The following ERBB4 variants were observed in gnomAD, a reference collection of about 807,000 sequenced individuals.
ERBB4 encodes the protein receptor tyrosine-protein kinase erbB-4.
ERBB4 carries 42 observed loss-of-function variants against 158.0 expected under a neutral mutation model. That is an observed-to-expected ratio of 0.27 (90% CI 0.21 to 0.34). The LOEUF (loss-of-function observed/expected upper bound fraction) is 0.34. Ranked by LOEUF, ERBB4 falls within the 10% of genes least tolerant of loss-of-function variation. ERBB4 has a pLI of 1.00. For synonymous variants in ERBB4, 583 were observed against 558.7 expected (o/e 1.04, Z -0.61); for missense variants, 1,333 against 1,624.1 (o/e 0.82, Z 3.08).
At chr2:211,958,650 T>C (rs1218810671) in intron 2 of ERBB4, among the ~76,000 whole-genome samples, 2 of 152,062 alleles carry the variant, frequency 1.3e-5, no homozygotes, top group African/African-American at 4.8e-5. Flanking sequence ...ATTCCCAAGA[T>C]CAAAATCCCA....
chr2:212,328,723 A>T (rs1560031150), intron 1 of ERBB4, among the ~76,000 whole-genome samples: 1 of 152,034 alleles, frequency 6.6e-6, no homozygotes, highest in Non-Finnish European at 1.5e-5. Flanking sequence ...TATGCAAGAA[A>T]TCTCCTTTAG....
At chr2:212,377,932 T>G (rs2090379123) in intron 1 of ERBB4, among the ~76,000 whole-genome samples, 1 of 151,886 alleles carries the variant, frequency 6.6e-6, no homozygotes, top group South Asian at 2.1e-4. Context: ...TTTATATCCT[T>G]CTTCTATAAG....
chr2:211,730,590 T>G (rs1282487946), intron 5 of ERBB4, among the ~76,000 whole-genome samples: 1 of 152,054 alleles, frequency 6.6e-6, no homozygotes, highest in Non-Finnish European at 1.5e-5. Context: ...AATACTGGAA[T>G]TCTTCTGTAA....
chr2:211,625,388 C>T (rs1002202399), intron 17 of ERBB4, among the ~76,000 whole-genome samples: 3 of 152,204 alleles, frequency 2.0e-5, no homozygotes, highest in South Asian at 2.1e-4. Context: ...GTGAAAATAA[C>T]GGCCTACTTA....
intron 1 of ERBB4, among the ~76,000 whole-genome samples, chr2:212,377,193 T>C (rs1466209855): frequency 2.0e-5 from 3 of 147,244 alleles, no homozygotes; most frequent in African/African-American, 4.9e-5. Context: ...TAAATGTTCC[T>C]GGCAAATATA....
intron 20 of ERBB4, among the ~76,000 whole-genome samples, chr2:211,483,212 A>G (rs1397452778): frequency 6.6e-6 from 1 of 152,266 alleles, no homozygotes; most frequent in South Asian, 2.1e-4. Context: ...CAATTGATGG[A>G]CAAATTAAGT....
At chr2:212,066,910 T>C (rs1166647097) in intron 2 of ERBB4, among the ~76,000 whole-genome samples, 1 of 151,980 alleles carries the variant, frequency 6.6e-6, no homozygotes, top group African/African-American at 2.4e-5. Flanking sequence ...AAGAAACTGA[T>C]GGGTTTGTGA....
At chr2:211,893,335 G>T (rs1315650402) in intron 3 of ERBB4, among the ~76,000 whole-genome samples, 1 of 144,238 alleles carries the variant, frequency 6.9e-6, no homozygotes, top group African/African-American at 2.7e-5. Flanking sequence ...AATAAATGGT[G>T]CTGGGAAAAC....
intron 1 of ERBB4, among the ~76,000 whole-genome samples, chr2:212,276,834 A>G (rs974787468): frequency 5.3e-5 from 8 of 151,840 alleles, no homozygotes; most frequent in Non-Finnish European, 1.0e-4. Context: ...TAGAAAAGCT[A>G]TGTCATAAGC....
At chr2:211,462,723 TAA>T (rs1271517708) in intron 20 of ERBB4, among the ~76,000 whole-genome samples, 2 of 152,186 alleles carry the variant, frequency 1.3e-5, no homozygotes, top group Non-Finnish European at 2.9e-5. Flanking sequence ...TTCCATTTTC[TAA>T]AAGTCAGTAT....
intron 3 of ERBB4, among the ~76,000 whole-genome samples, chr2:211,877,376 A>AT (rs1559602887): frequency 6.6e-6 from 1 of 152,146 alleles, no homozygotes; most frequent in Non-Finnish European, 1.5e-5. Context: ...AAAGAAATAT[A>AT]TTTTTATTTA....
At chr2:211,829,007 A>T (rs1010264986) in intron 3 of ERBB4, among the ~76,000 whole-genome samples, 2 of 152,134 alleles carry the variant, frequency 1.3e-5, no homozygotes, top group Non-Finnish European at 2.9e-5. Context: ...AGTTGCATAA[A>T]ATTGGACTAA....
Position 211,712,193 on chromosome 2 carries a change from C to G in ERBB4, c.998-17G>C. The G allele has an allele frequency of 6.2e-7, 1 of 1,613,106 alleles. No individual in the cohort carries two copies. Among genetic ancestry groups the G allele is most frequent in the Non-Finnish European group, 8.5e-7 (1 of 1,179,228 alleles). On this transcript the variant is annotated splice_polypyrimidine_tract_variant and intron_variant, in intron 8 of 27. Coordinates refer to ENST00000342788, the MANE Select transcript of ERBB4 (RefSeq NM_005235.3). ...CATCACAAGCTGTAGAAACAAGACT[C>G]AGAGTTAGGGGATTGAGAAACTTAT...
intron 3 of ERBB4, among the ~76,000 whole-genome samples, chr2:211,819,578 C>T (rs182709308): frequency 6.3e-4 from 95 of 152,000 alleles, no homozygotes; most frequent in Admixed American, 1.4e-3. Flanking sequence ...GTACACATAG[C>T]ATAAATTAAG....
At chr2:212,521,988 C>A (rs982075) in intron 1 of ERBB4, among the ~76,000 whole-genome samples, 24,345 of 151,762 alleles carry the variant, frequency 0.16, 2,474 homozygotes, top group Non-Finnish European at 0.23. Flanking sequence ...ACAAATATTC[C>A]TGGTTATTTA....
At chr2:212,215,581 A>G (rs943132883) in intron 1 of ERBB4, among the ~76,000 whole-genome samples, 1 of 101,822 alleles carries the variant, frequency 9.8e-6, no homozygotes, top group East Asian at 4.8e-4. Flanking sequence ...CAATTCACAA[A>G]ACTTAGTTTT....
At chr2:211,513,372 A>C (rs989595801) in intron 20 of ERBB4, among the ~76,000 whole-genome samples, 96 of 122,266 alleles carry the variant, frequency 7.9e-4, no homozygotes, top group African/African-American at 3.0e-3. Context: ...AAAAAAAAAA[A>C]AAAACAAAAA....
At chr2:211,963,956 G>A (rs1392877335) in intron 2 of ERBB4, among the ~76,000 whole-genome samples, 1 of 152,056 alleles carries the variant, frequency 6.6e-6, no homozygotes, top group African/African-American at 2.4e-5. Flanking sequence ...AGGAACAAAT[G>A]AAAAAATGAA....
intron 1 of ERBB4, among the ~76,000 whole-genome samples, chr2:212,377,526 G>A (rs568450761): frequency 6.6e-6 from 1 of 151,850 alleles, no homozygotes; most frequent in South Asian, 2.1e-4. Context: ...AAATGTTTGT[G>A]TATTTAAACA....
Sources: gnomAD v4.1 joint callset for allele counts (sites outside exome capture counted in the v4.1 genomes callset) on GRCh38, gnomAD v4.1.1 for gene constraint, MANE v1.5 for transcripts, NCBI Gene and HGNC (gene_info 2026-07-23, HGNC 2026-07-21) for gene names.